LNX2: variants seen among roughly 807,000 people sequenced by gnomAD.
LNX2 encodes ligand of numb-protein X 2, also known as ligand of Numb protein X 2.
Under a neutral mutation model 66.2 loss-of-function variants are expected in LNX2, and 35 were observed. The ratio of observed to expected loss-of-function variants is 0.53; its 90% confidence interval spans 0.40 to 0.70. The LOEUF (loss-of-function observed/expected upper bound fraction) is 0.70. LNX2 is among the 30% of genes least tolerant of loss of function. The pLI is 0.00. For missense variants in LNX2, 791 were observed against 850.8 expected, an observed-to-expected ratio of 0.93 and a Z score of 0.87; for synonymous variants, 337 against 315.6, an observed-to-expected ratio of 1.07 and a Z score of -0.72.
chr13:27,573,134 T>G (rs1466149990), intron 2 of LNX2, among the ~76,000 whole-genome samples: 1 of 152,090 alleles, frequency 6.6e-6, no homozygotes, highest in East Asian at 1.9e-4. Flanking sequence ...CTGTGGCATT[T>G]GAGTTTACCC....
At chr13:27,594,504 T>TA (rs1189384875) in intron 1 of LNX2, among the ~76,000 whole-genome samples, 1 of 152,208 alleles carries the variant, frequency 6.6e-6, no homozygotes, top group Admixed American at 6.5e-5. Flanking sequence ...CATAATGAGA[T>TA]AAAGATTTGC....
intron 2 of LNX2, among the ~76,000 whole-genome samples, chr13:27,575,723 G>C (rs1371684120): frequency 1.3e-5 from 2 of 152,050 alleles, no homozygotes; most frequent in African/African-American, 2.4e-5. Context: ...TCATATATTG[G>C]TTCTATTTCC....
rs780504569 is a variant in LNX2 at position 27,548,232 on chromosome 13, G to C, written c.*103C>G. ...GTGGGTTTTGGCCCTGTGTATACCA[G>C]CAGTGTCAGCAGCTCCTAAACCACA... is the stretch of plus-strand genomic sequence containing the variant. On this transcript the variant is annotated 3_prime_UTR_variant, in exon 10 of 10. Transcript: ENST00000316334. 69 of 1,078,536 alleles carry C rather than the reference G, an allele frequency of 6.4e-5. No homozygotes were observed. Among genetic ancestry groups the C allele is most frequent in the Non-Finnish European group, 8.9e-5 (65 of 732,178 alleles). 66.8% of individuals were successfully genotyped at this position (1,078,536 alleles called of 1,614,324 possible).
intron 2 of LNX2, among the ~76,000 whole-genome samples, chr13:27,575,963 A>T (rs1955336440): frequency 6.6e-6 from 1 of 152,208 alleles, no homozygotes; most frequent in Admixed American, 6.5e-5. Flanking sequence ...GCAAAATGGC[A>T]AATGTAAAGC....
At chr13:27,604,429 T>A (rs1286658073) in intron 1 of LNX2, among the ~76,000 whole-genome samples, 8 of 152,114 alleles carry the variant, frequency 5.3e-5, no homozygotes, top group Non-Finnish European at 1.0e-4. Context: ...GGGTAAAGAA[T>A]AAGAATAAGG....
At chr13:27,553,798 T>C (rs1593237976) in intron 7 of LNX2, among the ~76,000 whole-genome samples, 2 of 152,174 alleles carry the variant, frequency 1.3e-5, no homozygotes, top group Admixed American at 6.5e-5. Flanking sequence ...TTCTGTCCAA[T>C]CAAAAATCAC....
At chr13:27,582,888 T>C (rs918906888) in intron 1 of LNX2, among the ~76,000 whole-genome samples, 4 of 152,078 alleles carry the variant, frequency 2.6e-5, no homozygotes, top group South Asian at 4.1e-4. Context: ...ACTTAAAGTA[T>C]AATAATAAAA....
chr13:27,588,021 C>CAAAAAAAAAAAAAAAAAAAAAA (rs56812051), intron 1 of LNX2, among the ~76,000 whole-genome samples: 2 of 93,532 alleles, frequency 2.1e-5, no homozygotes, highest in African/African-American at 3.8e-5. Flanking sequence ...ACTCTTGTCA[C>CAAAAAAAAAAAAAAAAAAAAAA]AAAAAAAAAA....
intron 8 of LNX2, 149 bp from the exon 9 acceptor site, chr13:27,550,640 C>T (rs1323969): frequency 1 from 624,620 of 625,728 alleles, 311,759 homozygotes; most frequent in East Asian, 1. Flanking sequence ...GACAATCCAT[C>T]TTCTAGCAGA....
chr13:27,581,229 G>T, intron 2 of LNX2, 68 bp downstream of exon 2: 1 of 1,331,376 alleles, frequency 7.5e-7, no homozygotes. Context: ...TTTTAATCAA[G>T]TTTTTATGTT....
At chr13:27,585,330 G>C (rs1224323536) in intron 1 of LNX2, among the ~76,000 whole-genome samples, 1 of 151,898 alleles carries the variant, frequency 6.6e-6, no homozygotes, top group Non-Finnish European at 1.5e-5. Flanking sequence ...GCTGAGGCGG[G>C]AGAATGGCAT....
At chr13:27,578,690 A>G (rs1361740410) in intron 2 of LNX2, among the ~76,000 whole-genome samples, 1 of 152,166 alleles carries the variant, frequency 6.6e-6, no homozygotes, top group African/African-American at 2.4e-5. Context: ...GGCTACCTGT[A>G]GCCTCTCCAG....
Position 27,583,205 on chromosome 13 carries a change from T to TGCGCGCGCGC in LNX2, c.-100-1403_-100-1402insGCGCGCGCGC, listed in dbSNP as rs1566124653. On this transcript the variant is annotated intron_variant, in intron 1 of 9. Coordinates refer to ENST00000316334, the MANE Select transcript of LNX2 (RefSeq NM_153371.4). ...GTGTGTGTGTGTGTGTGTGTGTGTG[T>TGCGCGCGCGC]GTGTGTGTGTGTGTGTGTGTGTGTG... Among the ~76,000 whole-genome samples the TGCGCGCGCGC allele has an allele frequency of 6.6e-3, 146 of 22,078 alleles. 21 individuals are homozygous for TGCGCGCGCGC. Among genetic ancestry groups the TGCGCGCGCGC allele is most frequent in the African/African-American group, 0.022 (116 of 5,346 alleles). The allele number at this position is 22,078 out of a possible 152,430, so 14.5% of individuals were successfully genotyped here. A position where few individuals can be genotyped will look rare whatever the true frequency, so the allele number is the denominator to read the frequency against.
intron 1 of LNX2, 141 bp from the exon 2 acceptor site, chr13:27,581,944 A>AC: frequency 2.7e-6 from 1 of 367,842 alleles, no homozygotes; most frequent in Non-Finnish European, 4.8e-6. Flanking sequence ...GTCATAAAAA[A>AC]AGAAATTAAT....
intron 6 of LNX2, among the ~76,000 whole-genome samples, chr13:27,557,461 A>T (rs1334743281): frequency 6.6e-6 from 1 of 152,062 alleles, no homozygotes; most frequent in South Asian, 2.1e-4. Context: ...GTATATATGC[A>T]CCTACACAAG....
intron 6 of LNX2, among the ~76,000 whole-genome samples, chr13:27,558,889 C>T (rs1955095651): frequency 6.6e-6 from 1 of 152,088 alleles, no homozygotes; most frequent in Non-Finnish European, 1.5e-5. Flanking sequence ...GCTATGCTTT[C>T]TTAGGGTACC....
chr13:27,604,657 C>T (rs961140208), intron 1 of LNX2, among the ~76,000 whole-genome samples: 1 of 151,922 alleles, frequency 6.6e-6, no homozygotes, highest in Non-Finnish European at 1.5e-5. Context: ...ACCAAATGTT[C>T]TACCATTTAA....
chr13:27,550,258 G>T, intron 9 of LNX2, 75 bp downstream of exon 9: 1 of 1,316,038 alleles, frequency 7.6e-7, no homozygotes, highest in South Asian at 1.4e-5. Flanking sequence ...ATTTAGTGCT[G>T]ACCCCTGACC....
chr13:27,573,701 T>C (rs1051467884), intron 2 of LNX2, among the ~76,000 whole-genome samples: 2 of 152,082 alleles, frequency 1.3e-5, no homozygotes, highest in Non-Finnish European at 2.9e-5. Context: ...ATTTAAAGAA[T>C]TCTCTGTCCA....
Sources: allele counts gnomAD v4.1 joint callset (sites outside exome capture counted in the v4.1 genomes callset), GRCh38; gene constraint gnomAD v4.1.1; transcripts MANE v1.5; gene names NCBI Gene and HGNC (gene_info 2026-07-23, HGNC 2026-07-21).